The following MRPL33 variants were observed in gnomAD, a reference collection of about 807,000 sequenced individuals.
MRPL33 encodes the protein mitochondrial ribosomal protein L33.
A neutral mutation model predicts 10.1 loss-of-function variants in MRPL33; 5 were observed. The observed-to-expected ratio is 0.49, with a 90% CI of 0.26 to 1.04. The LOEUF is 1.04. Ranked by LOEUF, MRPL33 falls within the 50% of genes least tolerant of loss-of-function variation. MRPL33 has a pLI of 0.14. For synonymous variants in MRPL33, 24 were observed against 27.7 expected (o/e 0.87, Z 0.42); for missense variants, 79 against 78.1 (o/e 1.01, Z -0.04).
intron 3 of MRPL33, among the ~76,000 whole-genome samples, chr2:27,778,018 C>T (rs567649636): frequency 6.6e-6 from 1 of 152,210 alleles, no homozygotes; most frequent in Non-Finnish European, 1.5e-5. Context: ...ATCAATCCTA[C>T]TTACATTTCA....
At chr2:27,773,177 T>G (rs879759685) in intron 2 of MRPL33, among the ~76,000 whole-genome samples, 4 of 152,238 alleles carry the variant, frequency 2.6e-5, no homozygotes, top group Non-Finnish European at 4.4e-5. Flanking sequence ...GATTAAAGAT[T>G]CCATGCTGTA....
At chr2:27,773,694 A>T (rs540502311) in intron 2 of MRPL33, among the ~76,000 whole-genome samples, 7 of 152,344 alleles carry the variant, frequency 4.6e-5, no homozygotes, top group African/African-American at 1.4e-4. Context: ...ATTATTGTCT[A>T]TCTTAATTAC....
Position 27,772,926 on chromosome 2 carries a change from C to T in MRPL33, c.41+234C>T, listed in dbSNP as rs150991932. On this transcript the variant is annotated intron_variant, in intron 2 of 3. Coordinates refer to ENST00000296102, the MANE Select transcript of MRPL33 (RefSeq NM_004891.4). ...ATTGAAATACTTGAAGGAACCTTTG[C>T]TGCTTTTCTAGTCCCAGGATTTGTG... 7.4e-4 allele frequency: 361 copies of T among 488,298 alleles called. 5 individuals are homozygous for T. Among genetic ancestry groups the T allele is most frequent in the African/African-American group, 6.6e-3 (333 of 50,242 alleles). The allele number at this position is 488,298 out of a possible 1,614,324, so 30.2% of individuals were successfully genotyped here.
intron 3 of MRPL33, among the ~76,000 whole-genome samples, chr2:27,777,537 G>A (rs1677200125): frequency 6.6e-6 from 1 of 151,942 alleles, no homozygotes; most frequent in African/African-American, 2.4e-5. Flanking sequence ...CACTTTCCAT[G>A]AGGACTTCTG....
At chr2:27,774,788 A>G (rs1037336005) in intron 3 of MRPL33, among the ~76,000 whole-genome samples, 4 of 152,212 alleles carry the variant, frequency 2.6e-5, no homozygotes, top group Non-Finnish European at 5.9e-5. Flanking sequence ...GCTGTGAGAG[A>G]AACAATCAGG....
At chr2:27,776,928 G>A (rs889658552) in intron 3 of MRPL33, among the ~76,000 whole-genome samples, 1 of 152,240 alleles carries the variant, frequency 6.6e-6, no homozygotes, top group Admixed American at 6.5e-5. Context: ...CTCCCACAGG[G>A]AAGAAAGCAG....
intron 3 of MRPL33, among the ~76,000 whole-genome samples, chr2:27,778,904 A>G (rs1206081889): frequency 2.0e-5 from 3 of 152,050 alleles, no homozygotes; most frequent in Non-Finnish European, 2.9e-5. Context: ...AGAGAACTGT[A>G]CTCTAATATT....
At chr2:27,776,087 G>A (rs1309203905) in intron 3 of MRPL33, among the ~76,000 whole-genome samples, 1 of 152,224 alleles carries the variant, frequency 6.6e-6, no homozygotes, top group African/African-American at 2.4e-5. Flanking sequence ...ATAATTGTCA[G>A]TTTGATTTTA....
chr2:27,778,561 T>C (rs138920356), intron 3 of MRPL33, among the ~76,000 whole-genome samples: 344 of 151,786 alleles, frequency 2.3e-3, no homozygotes, highest in African/African-American at 8.0e-3. Flanking sequence ...ATCTTTTCTT[T>C]TTTTTTTTTT....
At chr2:27,772,365 A>G in intron 1 of MRPL33, 1 of 315,740 alleles carries the variant, frequency 3.2e-6, no homozygotes, top group South Asian at 6.0e-5. Context: ...TGCACCTTAG[A>G]AGAGGGAAAA....
chr2:27,771,911 A>G (rs1416403510), intron 1 of MRPL33, 112 bp downstream of exon 1: 4 of 1,157,460 alleles, frequency 3.5e-6, no homozygotes. Flanking sequence ...GGGAAGCTGC[A>G]GCTGCGTACT....
chr2:27,773,030 G>A (rs974679678), intron 2 of MRPL33, among the ~76,000 whole-genome samples: 4 of 152,102 alleles, frequency 2.6e-5, no homozygotes, highest in African/African-American at 9.7e-5. Flanking sequence ...TCCTCAAATC[G>A]AGGACCAGGG....
At chr2:27,772,863 T>C in intron 2 of MRPL33, 171 bp downstream of exon 2, 2 of 593,846 alleles carry the variant, frequency 3.4e-6, no homozygotes, top group South Asian at 4.4e-5. Context: ...CTTTCAAAAA[T>C]ATTTTCCCTC....
At position 27,779,461 on chromosome 2, in the gene MRPL33, G is replaced by GA. The variant is rs1474512733; in HGVS notation, c.184dup (p.Ile62AsnfsTer30). 3.7e-6 allele frequency: 6 copies of GA among 1,609,752 alleles called. No individual in the cohort carries two copies. The East Asian group carries it at 1.1e-4, about 30-fold the overall frequency. On this transcript the variant is annotated frameshift_variant, in exon 4 of 4. Coordinates refer to ENST00000296102, the MANE Select transcript of MRPL33 (RefSeq NM_004891.4). LOFTEE classifies it high-confidence loss of function. ...AACAAAGAGTCCTCTTCGTGGAAAA[G>GA]AAAAAAATACGCTCCCTTTAAACGG... is the stretch of plus-strand genomic sequence containing the variant.
intron 3 of MRPL33, among the ~76,000 whole-genome samples, chr2:27,776,399 T>TA (rs1677149256): frequency 6.6e-6 from 1 of 152,278 alleles, no homozygotes; most frequent in Non-Finnish European, 1.5e-5. Context: ...CAGCATGTTT[T>TA]ACTGTGATGA....
At chr2:27,777,856 C>T (rs1252066132) in intron 3 of MRPL33, among the ~76,000 whole-genome samples, 3 of 152,106 alleles carry the variant, frequency 2.0e-5, no homozygotes, top group South Asian at 2.1e-4. Context: ...CCCCCTACCC[C>T]CCGCCTTTTT....
intron 3 of MRPL33, among the ~76,000 whole-genome samples, chr2:27,777,054 A>G (rs962299031): frequency 2.0e-5 from 3 of 152,160 alleles, no homozygotes; most frequent in Non-Finnish European, 4.4e-5. Context: ...TTATTTATTT[A>G]ATTTTTTAAA....
At chr2:27,772,869 C>T (rs1677079326) in intron 2 of MRPL33, 177 bp downstream of exon 2, 1 of 585,878 alleles carries the variant, frequency 1.7e-6, no homozygotes, top group Non-Finnish European at 3.0e-6. Context: ...AAAATATTTT[C>T]CCTCCTGCTG....
chr2:27,777,588 G>T lies in MRPL33; in HGVS notation c.149-1845G>T, dbSNP rs905250323. ...CTTTCTGACCTTTAGGTTCCTCTGG[G>T]GTTTACTGGACATTTGTGTGGGCAC... On this transcript the variant is annotated intron_variant, in intron 3 of 3. Transcript: ENST00000296102. Among the ~76,000 whole-genome samples, 13 of 151,920 alleles carry T rather than the reference G, an allele frequency of 8.6e-5. 1 individual carries two copies. The highest frequency in any genetic ancestry group is 5.2e-4 in the Admixed American group (8 of 15,250).
Sources: allele counts gnomAD v4.1 joint callset (sites outside exome capture counted in the v4.1 genomes callset), GRCh38; gene constraint gnomAD v4.1.1; transcripts MANE v1.5; gene names NCBI Gene and HGNC (gene_info 2026-07-23, HGNC 2026-07-21).